NCKAP5: variants seen among roughly 807,000 people sequenced by gnomAD.
NCKAP5 encodes the protein nck-associated protein 5.
In NCKAP5, 92 loss-of-function variants were observed where a neutral mutation model predicts 167.0. The ratio of observed to expected loss-of-function variants is 0.55; its 90% CI spans 0.47 to 0.66. The LOEUF (loss-of-function observed/expected upper bound fraction) is 0.66. NCKAP5 is among the 30% of genes least tolerant of loss of function. The pLI is 0.00. For synonymous variants in NCKAP5, 891 were observed against 877.4 expected, an observed-to-expected ratio of 1.02 and a Z score of -0.27; for missense variants, 2,378 against 2,315.0, an observed-to-expected ratio of 1.03 and a Z score of -0.56.
chr2:133,656,832 C>T, the NCKAP5 span, among the ~76,000 whole-genome samples: 12,538 of 152,056 alleles, frequency 0.082, 618 homozygotes, highest in African/African-American at 0.13. Context: ...ATTACATAAG[C>T]TCTTTAGTGG....
At chr2:132,973,491 T>C (rs2076892515) in intron 7 of NCKAP5, among the ~76,000 whole-genome samples, 1 of 152,146 alleles carries the variant, frequency 6.6e-6, no homozygotes, top group African/African-American at 2.4e-5. Flanking sequence ...TAAAATAAAA[T>C]GCACAAACAT....
intron 3 of NCKAP5, among the ~76,000 whole-genome samples, chr2:133,425,915 C>CA: frequency 6.6e-6 from 1 of 152,016 alleles, no homozygotes. Context: ...GAGGAAAAGG[C>CA]AAAAAACACA....
chr2:133,206,081 A>G (rs2085939053), intron 5 of NCKAP5, among the ~76,000 whole-genome samples: 1 of 152,128 alleles, frequency 6.6e-6, no homozygotes, highest in Non-Finnish European at 1.5e-5. Context: ...ACAACAATAA[A>G]ATGAGGCAAT....
At chr2:133,673,706 A>G in the NCKAP5 span, among the ~76,000 whole-genome samples, 1 of 152,224 alleles carries the variant, frequency 6.6e-6, no homozygotes, top group Non-Finnish European at 1.5e-5. Flanking sequence ...GGCAGCAGGT[A>G]GCTTGGAGAA....
the NCKAP5 span, among the ~76,000 whole-genome samples, chr2:133,666,602 T>A: frequency 6.6e-6 from 1 of 152,102 alleles, no homozygotes; most frequent in African/African-American, 2.4e-5. Context: ...ACTAGTTTTT[T>A]ATGTTTTACC....
chr2:133,259,247 CCTT>C (rs2088785503), intron 4 of NCKAP5, among the ~76,000 whole-genome samples: 1 of 152,206 alleles, frequency 6.6e-6, no homozygotes, highest in African/African-American at 2.4e-5. Flanking sequence ...CCACTGATTT[CCTT>C]CTTCTAATTC....
chr2:133,214,133 T>A (rs2150174722), intron 4 of NCKAP5, among the ~76,000 whole-genome samples: 1 of 152,330 alleles, frequency 6.6e-6, no homozygotes, highest in African/African-American at 2.4e-5. Flanking sequence ...TAATTATTTT[T>A]ATTTCTTTTG....
chr2:132,732,043 A>G lies in NCKAP5; in HGVS notation c.5137T>C (p.Cys1713Arg). The stretch of plus-strand genomic sequence containing the variant: ...CCACTGTCCAATGTTCTCATCTGGC[A>G]GTTGGATTCTGAGATAGAGAGACAG... ...VFQSHIIESN[C>R]QMRTLDSGIG... Residue 1713 changes from cysteine (C) to arginine (R), a missense_variant, in exon 17 of 20, where the codon TGC (cysteine) becomes CGC (arginine). Physicochemically the swap from Cys to Arg is radical, Grantham distance 180. Transcript: ENST00000409261. 1.2e-6 allele frequency: 2 copies of G among 1,609,816 alleles called. No individual in the cohort carries two copies. The highest frequency in any genetic ancestry group is 2.2e-5 in the South Asian group (2 of 90,710).
chr2:132,920,771 G>GTGTATGTA (rs1219401757), intron 8 of NCKAP5, among the ~76,000 whole-genome samples: 2 of 31,570 alleles, frequency 6.3e-5, no homozygotes, highest in Non-Finnish European at 1.3e-4. Context: ...ATATATGTAT[G>GTGTATGTA]TATATATATA....
intron 6 of NCKAP5, among the ~76,000 whole-genome samples, chr2:133,113,306 T>G (rs1458766756): frequency 6.6e-6 from 1 of 152,150 alleles, no homozygotes; most frequent in Non-Finnish European, 1.5e-5. Flanking sequence ...TGAGAGCATA[T>G]AATTTTTATA....
chr2:133,260,312 G>C (rs550017662), intron 4 of NCKAP5, among the ~76,000 whole-genome samples: 1 of 152,144 alleles, frequency 6.6e-6, no homozygotes, highest in African/African-American at 2.4e-5. Flanking sequence ...GTGAAAAAAG[G>C]CAGGAAAGGA....
intron 3 of NCKAP5, among the ~76,000 whole-genome samples, chr2:133,386,510 A>T (rs1233775263): frequency 6.6e-6 from 1 of 152,222 alleles, no homozygotes; most frequent in Non-Finnish European, 1.5e-5. Context: ...GGTGCTGAGA[A>T]GAATGTACAT....
intron 2 of NCKAP5, among the ~76,000 whole-genome samples, chr2:133,535,144 TGTAA>T (rs1685661029): frequency 2.0e-5 from 3 of 152,210 alleles, no homozygotes; most frequent in Non-Finnish European, 4.4e-5. Flanking sequence ...TAAAGGGTTA[TGTAA>T]AACTAGATTC....
intron 6 of NCKAP5, among the ~76,000 whole-genome samples, chr2:132,997,912 T>A (rs2077654065): frequency 6.6e-6 from 1 of 152,142 alleles, no homozygotes; most frequent in Admixed American, 6.5e-5. Context: ...TTGAGTGGTA[T>A]CAGATTTTCC....
rs567705337 is a variant in NCKAP5, at chr2:133,308,057, T to C, written c.70-4947A>G. On this transcript the variant is annotated intron_variant, in intron 3 of 19. Transcript: ENST00000409261. The stretch of plus-strand genomic sequence containing the variant: ...AAGGGTGCATAAATCACTTTGAATA[T>C]AGGGGAAGAAATTATTGTTCTATTT... Among the ~76,000 whole-genome samples, 10 of 138,484 alleles carry C rather than the reference T, an allele frequency of 7.2e-5. No individual in the cohort carries two copies. In the South Asian group the frequency reaches 2.3e-3, roughly 32 times the overall value. The allele number at this position is 138,484 out of a possible 152,430, so 90.9% of individuals were successfully genotyped here.
At chr2:133,083,862 T>C (rs1206331464) in intron 6 of NCKAP5, among the ~76,000 whole-genome samples, 1 of 152,170 alleles carries the variant, frequency 6.6e-6, no homozygotes, top group African/African-American at 2.4e-5. Context: ...TTGATTTCAG[T>C]TCTAGGAATT....
chr2:133,672,926 C>CA, the NCKAP5 span, among the ~76,000 whole-genome samples: 13 of 152,314 alleles, frequency 8.5e-5, no homozygotes, highest in Non-Finnish European at 1.6e-4. Flanking sequence ...GTGACTGACT[C>CA]AAAATCAGAA....
intron 3 of NCKAP5, among the ~76,000 whole-genome samples, chr2:133,400,557 G>A (rs1574883986): frequency 6.6e-6 from 1 of 152,136 alleles, no homozygotes. Flanking sequence ...CTCAAGTCAA[G>A]GAATGTATGA....
At chr2:133,344,865 C>T (rs1683854210) in intron 3 of NCKAP5, among the ~76,000 whole-genome samples, 1 of 151,914 alleles carries the variant, frequency 6.6e-6, no homozygotes, top group African/African-American at 2.4e-5. Flanking sequence ...GAATTATTGA[C>T]AGACATGTGG....
Sources: allele counts gnomAD v4.1 joint callset (sites outside exome capture counted in the v4.1 genomes callset), GRCh38; gene constraint gnomAD v4.1.1; transcripts MANE v1.5; gene names NCBI Gene and HGNC (gene_info 2026-07-23, HGNC 2026-07-21).